PACRG: variants seen among roughly 807,000 people sequenced by gnomAD.
The protein encoded by PACRG is parkin coregulated, also known as parkin coregulated gene protein.
In PACRG, 29 loss-of-function variants were observed where a neutral mutation model predicts 29.7. The observed-to-expected ratio is 0.98, with a 90% CI of 0.73 to 1.33. The LOEUF (loss-of-function observed/expected upper bound fraction) is 1.33, where lower values mean the gene tolerates loss of function less well. Among genes scored for constraint, PACRG ranks in the 40% most tolerant of loss-of-function variants. PACRG has a pLI of 0.00. For synonymous variants in PACRG, 116 were observed against 118.7 expected (o/e 0.98, Z 0.15); for missense variants, 279 against 316.2 (o/e 0.88, Z 0.89).
At chr6:162,727,283 A>AGGGGCGAAGGTGAGGGGCGGCGGC, upstream of PACRG, 31,916 of 265,390 alleles carry the variant, frequency 0.12, 3,641 homozygotes, top group East Asian at 0.33. Context: ...CAGTGAGGTG[A>AGGGGCGAAGGTGAGGGGCGGCGGC]GGGGCGAAGG....
intron 2 of PACRG, among the ~76,000 whole-genome samples, chr6:163,012,207 A>G (rs1036005556): frequency 9.2e-5 from 14 of 152,240 alleles, no homozygotes; most frequent in African/African-American, 3.4e-4. Flanking sequence ...CTAAGGTCCA[A>G]AAGAAAATAA....
intron 2 of PACRG, among the ~76,000 whole-genome samples, chr6:163,023,824 T>C (rs762124182): frequency 1.3e-5 from 2 of 152,160 alleles, no homozygotes; most frequent in African/African-American, 4.8e-5. Flanking sequence ...CTCTGATGAC[T>C]AGTGATGATG....
chr6:162,981,853 G>A (rs1173109812), intron 2 of PACRG, among the ~76,000 whole-genome samples: 2 of 150,054 alleles, frequency 1.3e-5, no homozygotes, highest in African/African-American at 2.4e-5. Flanking sequence ...GGTCCAGTAA[G>A]ATTGGTACCA....
intron 4 of PACRG, among the ~76,000 whole-genome samples, chr6:163,242,009 A>G (rs1449803333): frequency 6.6e-6 from 1 of 152,210 alleles, no homozygotes; most frequent in East Asian, 1.9e-4. Context: ...CTTTTATCCA[A>G]GTTAAAACAA....
chr6:163,053,714 C>T (rs915401644), intron 2 of PACRG, among the ~76,000 whole-genome samples: 1 of 152,010 alleles, frequency 6.6e-6, no homozygotes, highest in African/African-American at 2.4e-5. Context: ...TTGTAGAATA[C>T]ATAAATTTAT....
intron 2 of PACRG, among the ~76,000 whole-genome samples, chr6:162,959,649 G>C (rs1157197404): frequency 6.6e-6 from 1 of 152,070 alleles, no homozygotes; most frequent in Non-Finnish European, 1.5e-5. Context: ...AGGATCCCTT[G>C]GGCTCCTGAG....
intron 2 of PACRG, among the ~76,000 whole-genome samples, chr6:162,823,453 C>T (rs1001199774): frequency 8.6e-5 from 13 of 151,350 alleles, no homozygotes; most frequent in Non-Finnish European, 1.6e-4. Context: ...CTATCATTAT[C>T]TCCCTCAATA....
intron 4 of PACRG, among the ~76,000 whole-genome samples, chr6:163,304,015 C>CAAAAAAAAAAAAAAAAAAAAAAAAA (rs59861286): frequency 1.3e-5 from 1 of 76,250 alleles, no homozygotes; most frequent in African/African-American, 5.4e-5. Context: ...GACTCCATTT[C>CAAAAAAAAAAAAAAAAAAAAAAAAA]AAAAAAAAAA....
intron 2 of PACRG, among the ~76,000 whole-genome samples, chr6:163,056,181 C>G (rs943305240): frequency 6.6e-6 from 1 of 152,144 alleles, no homozygotes; most frequent in Non-Finnish European, 1.5e-5. Flanking sequence ...AATGGTACAG[C>G]TATTCTGGAA....
chr6:163,265,745 T>G (rs1160107083), intron 4 of PACRG, among the ~76,000 whole-genome samples: 2 of 152,252 alleles, frequency 1.3e-5, no homozygotes, highest in African/African-American at 4.8e-5. Flanking sequence ...AAAGCCACAG[T>G]TAATTTCTAA....
At chr6:162,839,568 C>T (rs1450665499) in intron 2 of PACRG, among the ~76,000 whole-genome samples, 1 of 151,966 alleles carries the variant, frequency 6.6e-6, no homozygotes, top group Non-Finnish European at 1.5e-5. Context: ...ATGGTAGTTT[C>T]TTTTGCTGTG....
intron 2 of PACRG, among the ~76,000 whole-genome samples, chr6:163,023,253 G>T (rs1562841111): frequency 6.6e-6 from 1 of 152,116 alleles, no homozygotes; most frequent in African/African-American, 2.4e-5. Context: ...AGTCCTCAGT[G>T]TCTCTTGTTT....
chr6:163,313,115 T>C (rs943473290), intron 4 of PACRG, among the ~76,000 whole-genome samples: 5 of 146,180 alleles, frequency 3.4e-5, no homozygotes, highest in South Asian at 2.1e-4. Context: ...TATATATACA[T>C]ATATATATAT....
At chr6:163,296,100 A>G (rs1784770297) in intron 4 of PACRG, among the ~76,000 whole-genome samples, 1 of 152,170 alleles carries the variant, frequency 6.6e-6, no homozygotes, top group Admixed American at 6.5e-5. Flanking sequence ...ATTTTACTTT[A>G]TTCTTCAGGA....
At chr6:163,284,637 C>T (rs1191653829) in intron 4 of PACRG, among the ~76,000 whole-genome samples, 1 of 152,196 alleles carries the variant, frequency 6.6e-6, no homozygotes, top group East Asian at 1.9e-4. Context: ...CATGACATCA[C>T]ATAAGTGCTC....
intron 4 of PACRG, among the ~76,000 whole-genome samples, chr6:163,228,276 T>C (rs1315186212): frequency 1.3e-5 from 2 of 148,982 alleles, no homozygotes; most frequent in Non-Finnish European, 1.5e-5. Context: ...TCAGAAGATG[T>C]AGTCAGAGTC....
intron 2 of PACRG, among the ~76,000 whole-genome samples, chr6:162,998,050 T>C (rs1214150016): frequency 6.6e-6 from 1 of 152,218 alleles, no homozygotes; most frequent in Non-Finnish European, 1.5e-5. Flanking sequence ...GGGATAATAA[T>C]AGTACCTACC....
At chr6:162,748,493 A>C (rs1431580133) in intron 1 of PACRG, among the ~76,000 whole-genome samples, 1 of 152,138 alleles carries the variant, frequency 6.6e-6, no homozygotes, top group Non-Finnish European at 1.5e-5. Context: ...ACTCCATCTC[A>C]AAAAAACAAA....
intron 2 of PACRG, among the ~76,000 whole-genome samples, chr6:162,919,555 G>A (rs1796924150): frequency 6.6e-6 from 1 of 152,172 alleles, no homozygotes; most frequent in Non-Finnish European, 1.5e-5. Flanking sequence ...GAGGCAAGTA[G>A]CAACCCATGG....
Sources: allele counts gnomAD v4.1 joint callset (sites outside exome capture counted in the v4.1 genomes callset), GRCh38; gene constraint gnomAD v4.1.1; transcripts MANE v1.5; gene names NCBI Gene and HGNC (gene_info 2026-07-23, HGNC 2026-07-21).